The following GALNT9 variants were observed in gnomAD, a reference collection of about 807,000 sequenced individuals.
GALNT9 encodes the protein GalNAc transferase 9.
In GALNT9, 47 loss-of-function variants were observed where a neutral mutation model predicts 63.1. The observed-to-expected ratio is 0.75, with a 90% CI of 0.59 to 0.95. The LOEUF (loss-of-function observed/expected upper bound fraction) is 0.95. GALNT9 is among the 40% of genes least tolerant of loss of function. The pLI, the probability that GALNT9 is intolerant of heterozygous loss-of-function variation, is 0.00. For synonymous variants in GALNT9, 396 were observed against 365.7 expected (o/e 1.08, Z -0.94); for missense variants, 829 against 874.8 (o/e 0.95, Z 0.66).
At chr12:132,320,204 T>C (rs1408277035) in intron 1 of GALNT9, among the ~76,000 whole-genome samples, 2 of 124,678 alleles carry the variant, frequency 1.6e-5, no homozygotes, top group African/African-American at 6.2e-5. Flanking sequence ...ACACACGCGC[T>C]TGTTTTATTT....
At chr12:132,267,373 C>T (rs1879640731) in intron 2 of GALNT9, among the ~76,000 whole-genome samples, 1 of 152,210 alleles carries the variant, frequency 6.6e-6, no homozygotes, top group African/African-American at 2.4e-5. Context: ...CAGGCTGGCC[C>T]ATGGCAAAAA....
rs914039560 is a variant in GALNT9 at position 132,202,783 on chromosome 12, C to T, written c.1263+722G>A. 7.2e-5 allele frequency among the ~76,000 whole-genome samples: 11 copies of T among 152,124 alleles called. 2 individuals carry two copies. In the South Asian group the frequency reaches 8.3e-4, roughly 11 times the overall value. ...CGCTGGGGTGTGGCGGGATGGGTCG[C>T]GGCCACCCGTCTCAGTACCTGCCTT... On this transcript the variant is annotated intron_variant, in intron 7 of 10. Coordinates refer to ENST00000328957, the MANE Select transcript of GALNT9 (RefSeq NM_001122636.2).
chr12:132,233,139 A>G (rs1212514596), intron 6 of GALNT9, among the ~76,000 whole-genome samples: 1 of 62,538 alleles, frequency 1.6e-5, no homozygotes, highest in African/African-American at 8.6e-5. Flanking sequence ...CACACACTCC[A>G]TGGGGCGACA....
intron 1 of GALNT9, among the ~76,000 whole-genome samples, chr12:132,291,219 ATCCACAGCGCCCACG>A (rs1414271583): frequency 3.0e-5 from 1 of 33,374 alleles, no homozygotes; most frequent in Non-Finnish European, 4.9e-5. Flanking sequence ...CACCACCCAC[ATCCACAGCGCCCACG>A]TCCACAGCGC....
intron 1 of GALNT9, among the ~76,000 whole-genome samples, chr12:132,301,431 C>T (rs1434800438): frequency 6.6e-6 from 1 of 152,256 alleles, no homozygotes; most frequent in Non-Finnish European, 1.5e-5. Context: ...ACGAGAACCA[C>T]ACAGGGGTTT....
rs28503969 is a variant in GALNT9, at chr12:132,286,390, G to A, written c.279C>T (p.Gly93=). The change falls in exon 2 of 11, where the codon GGC becomes GGT. Residue 93 remains glycine (G), a synonymous_variant. Coordinates refer to ENST00000328957, the MANE Select transcript of GALNT9 (RefSeq NM_001122636.2). The surrounding 1 kb of genome is among the most constrained non-coding windows in gnomAD (Gnocchi z 7.4). ...TGGCCGCCAAGCCACCCTGGCCCAG[G>A]CCTCCTGGCCCCTCCACCAGGCCGA... The part of the protein sequence containing the change: ...KPIGLVEGPG[G]LGQGGLAATL... 471,242 of 1,550,520 alleles carry A rather than the reference G, an allele frequency of 0.3. 72,898 individuals are homozygous for A. The highest frequency in any genetic ancestry group is 0.45 in the East Asian group (18,302 of 40,866).
chr12:132,229,314 G>T (rs1245534345), intron 6 of GALNT9, among the ~76,000 whole-genome samples: 1 of 152,204 alleles, frequency 6.6e-6, no homozygotes, highest in Non-Finnish European at 1.5e-5. Flanking sequence ...CCCACGAGGC[G>T]CACGCTTTGT....
At chr12:132,256,734 T>C (rs1555239120) in intron 5 of GALNT9, among the ~76,000 whole-genome samples, 1 of 151,152 alleles carries the variant, frequency 6.6e-6, no homozygotes. Context: ...GAGCTGCCGG[T>C]TTTCCAAAGT....
intron 2 of GALNT9, among the ~76,000 whole-genome samples, chr12:132,271,481 G>A (rs1879864311): frequency 6.6e-6 from 1 of 152,126 alleles, no homozygotes; most frequent in Admixed American, 6.5e-5. Flanking sequence ...AAACAATGAA[G>A]CCAGGACAGA....
rs201111638 is a variant in GALNT9 at position 132,204,267 on chromosome 12, CG to C, written c.1078-578del. Among the ~76,000 whole-genome samples, 528 of 151,862 alleles carry C rather than the reference CG, an allele frequency of 3.5e-3. 5 individuals carry two copies. The highest frequency in any genetic ancestry group is 0.012 in the African/African-American group (505 of 41,106). ...TATCCTTTTATGCTTCCTTCCGTGT[CG>C]TTCCACTTAAGCAATACCAGCCTTC... is the stretch of plus-strand genomic sequence containing the variant. On this transcript the variant is annotated intron_variant, in intron 6 of 10. Transcript: ENST00000328957.
Position 132,245,279 on chromosome 12 carries a change from T to C in GALNT9, c.1077+2631A>G, listed in dbSNP as rs990769735. 2.6e-5 allele frequency among the ~76,000 whole-genome samples: 4 copies of C among 151,980 alleles called. No homozygotes were observed. The highest frequency in any genetic ancestry group is 6.5e-5 in the Admixed American group (1 of 15,280). ...CAACATGGTGAAACCTCGTCTCTAC[T>C]AAAAGTACAAAAATTAGCCGGGCAT... On this transcript the variant is annotated intron_variant, in intron 6 of 10. Transcript: ENST00000328957. This position sits in a 1 kb window ranked among gnomAD's most constrained non-coding sequence, Gnocchi z 6.3.
intron 1 of GALNT9, among the ~76,000 whole-genome samples, chr12:132,288,275 G>T (rs1880680027): frequency 1.3e-5 from 2 of 152,298 alleles, no homozygotes; most frequent in South Asian, 4.1e-4. Flanking sequence ...GGAACCTCTG[G>T]ACTTTCTGGA....
intron 1 of GALNT9, among the ~76,000 whole-genome samples, chr12:132,309,566 C>T (rs1157166044): frequency 2.6e-5 from 4 of 152,134 alleles, no homozygotes; most frequent in Non-Finnish European, 5.9e-5. Flanking sequence ...TGAGAGGGCT[C>T]GGATAGTCAC....
intron 1 of GALNT9, among the ~76,000 whole-genome samples, chr12:132,312,477 G>C (rs1881850329): frequency 6.6e-6 from 1 of 152,222 alleles, no homozygotes; most frequent in South Asian, 2.1e-4. Context: ...ACCTCTGAGA[G>C]AAGCTGCTGA....
At chr12:132,300,981 G>A (rs1227506279) in intron 1 of GALNT9, among the ~76,000 whole-genome samples, 3 of 152,278 alleles carry the variant, frequency 2.0e-5, no homozygotes, top group Non-Finnish European at 2.9e-5. Context: ...AGCGGGCGAC[G>A]CATTCACAGC....
chr12:132,216,644 C>T (rs1035871974), intron 6 of GALNT9, among the ~76,000 whole-genome samples: 7 of 152,228 alleles, frequency 4.6e-5, no homozygotes, highest in Non-Finnish European at 8.8e-5. Flanking sequence ...TGCGTGCCCA[C>T]GTGGCTACCT....
At chr12:132,229,400 A>G (rs1013820583) in intron 6 of GALNT9, among the ~76,000 whole-genome samples, 1 of 152,216 alleles carries the variant, frequency 6.6e-6, no homozygotes, top group Admixed American at 6.5e-5. Context: ...TGTTCAGCCA[A>G]TGAATAACTC....
intron 6 of GALNT9, among the ~76,000 whole-genome samples, chr12:132,244,821 G>C (rs1325144157): frequency 6.8e-6 from 1 of 146,386 alleles, no homozygotes; most frequent in African/African-American, 2.6e-5. Flanking sequence ...TGGTGATGGA[G>C]TTGGACGGGG....
intron 2 of GALNT9, among the ~76,000 whole-genome samples, chr12:132,271,737 G>T (rs1219487173): frequency 6.6e-6 from 1 of 152,170 alleles, no homozygotes; most frequent in Non-Finnish European, 1.5e-5. Flanking sequence ...CTTGGCCGAG[G>T]TCCCAAGTCA....
Sources: allele counts gnomAD v4.1 joint callset (sites outside exome capture counted in the v4.1 genomes callset), GRCh38; gene constraint gnomAD v4.1.1; non-coding constraint Gnocchi (gnomAD v3.1); transcripts MANE v1.5; gene names NCBI Gene and HGNC (gene_info 2026-07-23, HGNC 2026-07-21).